Variants in UMAD1 observed in about 807,000 individuals in gnomAD.
The protein encoded by UMAD1 is UBAP1-MVB12-associated (UMA) domain containing 1.
UMAD1 carries 8 observed loss-of-function variants against 6.1 expected under a neutral mutation model. The observed-to-expected ratio is 1.30, with a 90% CI of 0.76 to 2.35. The LOEUF is 2.35. Among genes scored for constraint, UMAD1 ranks in the 30% most tolerant of loss-of-function variants. The pLI, the probability that UMAD1 is intolerant of heterozygous loss-of-function variation, is 0.00. For missense variants in UMAD1, 130 were observed against 78.4 expected, an observed-to-expected ratio of 1.66 and a Z score of -2.49; for synonymous variants, 56 against 31.4, an observed-to-expected ratio of 1.78 and a Z score of -2.61.
intron 1 of UMAD1, among the ~76,000 whole-genome samples, chr7:7,652,006 G>A (rs570402068): frequency 6.6e-6 from 1 of 152,312 alleles, no homozygotes; most frequent in East Asian, 1.9e-4. Context: ...GGAAGTGGGA[G>A]AAGATCTTGT....
At chr7:7,676,591 G>GT (rs1779746509) in intron 2 of UMAD1, among the ~76,000 whole-genome samples, 1 of 152,054 alleles carries the variant, frequency 6.6e-6, no homozygotes, top group Non-Finnish European at 1.5e-5. Flanking sequence ...AGAAAGTGCT[G>GT]TTTTTTATTT....
At chr7:7,743,312 A>G (rs528485673) in intron 2 of UMAD1, among the ~76,000 whole-genome samples, 14 of 152,328 alleles carry the variant, frequency 9.2e-5, no homozygotes, top group African/African-American at 3.4e-4. Context: ...GCAATTTGTT[A>G]AAACCTGAAT....
chr7:7,822,923 G>A (rs1783268062), intron 3 of UMAD1, among the ~76,000 whole-genome samples: 1 of 151,486 alleles, frequency 6.6e-6, no homozygotes, highest in African/African-American at 2.4e-5. Flanking sequence ...AAATTTTCAT[G>A]CCTCTATATT....
At chr7:7,854,951 G>A (rs1783988295) in intron 3 of UMAD1, among the ~76,000 whole-genome samples, 1 of 152,124 alleles carries the variant, frequency 6.6e-6, no homozygotes, top group Non-Finnish European at 1.5e-5. Context: ...AAAACAAAGG[G>A]GCTACAGGCC....
At chr7:7,709,113 C>A (rs1780683129) in intron 2 of UMAD1, among the ~76,000 whole-genome samples, 1 of 152,090 alleles carries the variant, frequency 6.6e-6, no homozygotes, top group African/African-American at 2.4e-5. Context: ...AGATATTTTG[C>A]AAAATTCGGC....
chr7:7,710,722 T>A (rs776930011), intron 2 of UMAD1, among the ~76,000 whole-genome samples: 4 of 152,244 alleles, frequency 2.6e-5, no homozygotes, highest in Non-Finnish European at 5.9e-5. Context: ...ATTGAAGACG[T>A]ATATGTGCAT....
intron 3 of UMAD1, among the ~76,000 whole-genome samples, chr7:7,876,165 G>A (rs1784415516): frequency 6.6e-6 from 1 of 152,236 alleles, no homozygotes; most frequent in South Asian, 2.1e-4. Context: ...AAGTAGCCCT[G>A]TGTATGTCTG....
Position 7,750,850 on chromosome 7 carries a change from C to T in UMAD1, c.83-50820C>T, listed in dbSNP as rs185826730. Among the ~76,000 whole-genome samples the T allele has an allele frequency of 5.3e-5, 8 of 152,162 alleles. No individual in the cohort carries two copies. In the East Asian group the frequency reaches 1.5e-3, roughly 29 times the overall value. Reference sequence around the variant, plus strand: ...CAGATGTTTCAGAATTTGGTGAAAGCAATAATTGTTCTAATCCTATTGCTG... The same window carrying T: ...CAGATGTTTCAGAATTTGGTGAAAGTAATAATTGTTCTAATCCTATTGCTG... On this transcript the variant is annotated intron_variant, in intron 2 of 3. Transcript: ENST00000682710.
intron 2 of UMAD1, among the ~76,000 whole-genome samples, chr7:7,706,728 C>T (rs1019959506): frequency 3.3e-5 from 5 of 152,088 alleles, no homozygotes; most frequent in African/African-American, 1.2e-4. Context: ...GACTAACTTG[C>T]GTAAGAGTGC....
chr7:7,660,497 A>G (rs552777758), intron 1 of UMAD1, among the ~76,000 whole-genome samples: 1 of 152,160 alleles, frequency 6.6e-6, no homozygotes. Flanking sequence ...GGCAGGCCTC[A>G]TGGTGACAAA....
chr7:7,749,360 T>C (rs181633310), intron 2 of UMAD1, among the ~76,000 whole-genome samples: 28 of 152,328 alleles, frequency 1.8e-4, no homozygotes, highest in African/African-American at 6.7e-4. Flanking sequence ...GTGCACACTT[T>C]AATAGCCCGT....
At chr7:7,734,546 A>G (rs1159742222) in intron 2 of UMAD1, among the ~76,000 whole-genome samples, 1 of 152,140 alleles carries the variant, frequency 6.6e-6, no homozygotes, top group East Asian at 1.9e-4. Context: ...GTAAATTTGA[A>G]AGATGTTATT....
chr7:7,798,708 A>G (rs1172736517), intron 2 of UMAD1, among the ~76,000 whole-genome samples: 3 of 152,116 alleles, frequency 2.0e-5, no homozygotes, highest in South Asian at 4.1e-4. Context: ...GCCCTCATGC[A>G]TTGGAACCGT....
At chr7:7,783,667 G>T (rs1226844138) in intron 2 of UMAD1, among the ~76,000 whole-genome samples, 1 of 152,202 alleles carries the variant, frequency 6.6e-6, no homozygotes, top group Non-Finnish European at 1.5e-5. Flanking sequence ...GCTTTCATTA[G>T]AGAGGCGTAA....
At chr7:7,646,846 G>A (rs1252768866) in intron 1 of UMAD1, among the ~76,000 whole-genome samples, 1 of 152,034 alleles carries the variant, frequency 6.6e-6, no homozygotes, top group Admixed American at 6.5e-5. Context: ...TCTGCTCATG[G>A]AGCCTGGGGT....
rs572913986 is a variant in UMAD1, at chr7:7,711,956, A to AT, written c.82+38512dup. Among the ~76,000 whole-genome samples the AT allele has an allele frequency of 2.0e-5, 3 of 151,318 alleles. No individual in the cohort carries two copies. In the South Asian group the frequency reaches 6.3e-4, roughly 32 times the overall value. On this transcript the variant is annotated intron_variant, in intron 2 of 3. Coordinates refer to ENST00000682710, the MANE Select transcript of UMAD1 (RefSeq NM_001302348.2). ...AGTGTGGTATAGCGATCCGATTTTAATTTTTTTTTGTAGGGATAACCTATT... is the reference window on the plus strand; with the variant it reads ...AGTGTGGTATAGCGATCCGATTTTAATTTTTTTTTTGTAGGGATAACCTATT...
chr7:7,649,958 T>C (rs182467578), intron 1 of UMAD1, among the ~76,000 whole-genome samples: 297 of 152,346 alleles, frequency 1.9e-3, no homozygotes, highest in Non-Finnish European at 3.5e-3. Context: ...CTGAATATAC[T>C]GGAGCTTTGA....
At chr7:7,778,271 T>TGAGA (rs1400468435) in intron 2 of UMAD1, among the ~76,000 whole-genome samples, 25 of 111,466 alleles carry the variant, frequency 2.2e-4, no homozygotes, top group South Asian at 8.6e-4. Context: ...TGTGTGTGTG[T>TGAGA]GTGTGAGAGA....
intron 2 of UMAD1, among the ~76,000 whole-genome samples, chr7:7,714,326 T>G (rs1380699534): frequency 6.6e-6 from 1 of 152,244 alleles, no homozygotes; most frequent in African/African-American, 2.4e-5. Flanking sequence ...TTTCTTTGGC[T>G]GCTCCAGCAG....
Sources: gnomAD v4.1 joint callset for allele counts (sites outside exome capture counted in the v4.1 genomes callset) on GRCh38, gnomAD v4.1.1 for gene constraint, MANE v1.5 for transcripts, NCBI Gene and HGNC (gene_info 2026-07-23, HGNC 2026-07-21) for gene names.